CCSER1: variants seen among roughly 807,000 people sequenced by gnomAD.
CCSER1 encodes the protein serine-rich coiled-coil domain-containing protein 1.
CCSER1 carries 41 observed loss-of-function variants against 82.0 expected under a neutral mutation model. That is an observed-to-expected ratio of 0.50 (90% CI 0.39 to 0.65). CCSER1 has a LOEUF of 0.65. Among genes scored for constraint, CCSER1 ranks in the 30% least tolerant of loss-of-function variants. CCSER1 has a pLI of 0.00. For synonymous variants in CCSER1, 414 were observed against 383.9 expected, an observed-to-expected ratio of 1.08 and a Z score of -0.92; for missense variants, 1,119 against 1,064.2, an observed-to-expected ratio of 1.05 and a Z score of -0.72.
intron 7 of CCSER1, among the ~76,000 whole-genome samples, chr4:90,741,510 T>TATCAGCCAGATATATACATTCAGC (rs1746549758): frequency 6.6e-6 from 1 of 152,202 alleles, no homozygotes; most frequent in African/African-American, 2.4e-5. Flanking sequence ...GATATATACA[T>TATCAGCCAGATATATACATTCAGC]CAGATACTGA....
chr4:90,949,768 AT>A (rs35190415), intron 9 of CCSER1, among the ~76,000 whole-genome samples: 14,088 of 152,160 alleles, frequency 0.093, 801 homozygotes, highest in Admixed American at 0.15. Context: ...AGCCATAATG[AT>A]TCTAAGTAGC....
intron 6 of CCSER1, among the ~76,000 whole-genome samples, chr4:90,629,738 G>A (rs1221060946): frequency 2.0e-5 from 3 of 152,210 alleles, no homozygotes; most frequent in African/African-American, 7.2e-5. Flanking sequence ...AATGTGTTGT[G>A]CTGTAGCGGT....
rs1388529579 is a variant in CCSER1, at chr4:91,115,865, T to A, written c.2217+29871T>A. ...TTTATATATATATATATATATTTTT[T>A]TTTATTATACTTTAAGTTCTAGGGT... On this transcript the variant is annotated intron_variant, in intron 10 of 10. Transcript: ENST00000509176. Among the ~76,000 whole-genome samples the A allele has an allele frequency of 2.6e-3, 322 of 125,994 alleles. 3 individuals are homozygous for A. Among genetic ancestry groups the A allele is most frequent in the African/African-American group, 9.4e-3 (289 of 30,760 alleles). The allele number at this position is 125,994 out of a possible 152,430, so 82.7% of individuals were successfully genotyped here. A position where few individuals can be genotyped will look rare whatever the true frequency, so the allele number is the denominator to read the frequency against.
intron 7 of CCSER1, among the ~76,000 whole-genome samples, chr4:90,791,935 T>C (rs115418859): frequency 0.02 from 3,015 of 152,246 alleles, 48 homozygotes; most frequent in Non-Finnish European, 0.034. Flanking sequence ...AACCCAAAAA[T>C]TCATCAAAAT....
intron 10 of CCSER1, among the ~76,000 whole-genome samples, chr4:91,479,870 C>T (rs1171815744): frequency 7.0e-6 from 1 of 143,326 alleles, no homozygotes; most frequent in Admixed American, 7.1e-5. Flanking sequence ...TTAGGTATAT[C>T]TCCCAATGCT....
chr4:91,470,443 G>A (rs1757208560), intron 10 of CCSER1, among the ~76,000 whole-genome samples: 1 of 80,642 alleles, frequency 1.2e-5, no homozygotes, highest in Non-Finnish European at 2.7e-5. Flanking sequence ...AGACTGAAAT[G>A]GTAAAAAAAA....
intron 9 of CCSER1, among the ~76,000 whole-genome samples, chr4:91,032,915 T>TC (rs1741107833): frequency 6.6e-6 from 1 of 152,188 alleles, no homozygotes; most frequent in Non-Finnish European, 1.5e-5. Context: ...GAACTACTGA[T>TC]CTAGAGCAAG....
In CCSER1 at chr4:90,232,260, G is replaced by A. The variant is rs918562815; in HGVS notation, c.-41-75984G>A. 4.6e-5 allele frequency among the ~76,000 whole-genome samples: 7 copies of A among 151,342 alleles called. No individual in the cohort carries two copies. In the East Asian group the frequency reaches 6.0e-4, roughly 13 times the overall value. ...ACAGTAACCAAAACAGCATGGTACC[G>A]GTACCAAAACAGAGATGTAGATCAA... On this transcript the variant is annotated intron_variant, in intron 1 of 10. Transcript: ENST00000509176.
At chr4:90,478,747 T>TTTA (rs1375734041) in intron 5 of CCSER1, among the ~76,000 whole-genome samples, 1 of 150,910 alleles carries the variant, frequency 6.6e-6, no homozygotes, top group African/African-American at 2.4e-5. Context: ...TTTTTTTTTT[T>TTTA]TTATTTTTTT....
intron 10 of CCSER1, among the ~76,000 whole-genome samples, chr4:91,474,651 C>G (rs113640365): frequency 0.01 from 1,555 of 151,240 alleles, 13 homozygotes; most frequent in Middle Eastern, 0.021. Context: ...AATCTATGAA[C>G]CCACTCTCCA....
rs1302072179 is a variant in CCSER1, at chr4:91,011,426, T to C, written c.2173-74524T>C. 4.5e-5 allele frequency among the ~76,000 whole-genome samples: 6 copies of C among 134,026 alleles called. 1 individual carries two copies. The East Asian group carries it at 1.4e-3, about 32-fold the overall frequency. 87.9% of individuals were successfully genotyped at this position (134,026 alleles called of 152,430 possible). ...GTGCTGGGTTCCAGAATGCAGGTGC[T>C]CAGAACAGCTGTAGAGCCAAGGTCC... On this transcript the variant is annotated intron_variant, in intron 9 of 10. Transcript: ENST00000509176.
chr4:90,901,905 C>T (rs1459602854), intron 8 of CCSER1, among the ~76,000 whole-genome samples: 1 of 151,956 alleles, frequency 6.6e-6, no homozygotes, highest in Non-Finnish European at 1.5e-5. Flanking sequence ...TCTTTTTCTT[C>T]TTCCTCATGA....
chr4:90,541,095 T>C (rs1048883231), intron 5 of CCSER1, among the ~76,000 whole-genome samples: 1 of 152,014 alleles, frequency 6.6e-6, no homozygotes, highest in Non-Finnish European at 1.5e-5. Context: ...GATACTGGCT[T>C]TACTTCTTTC....
intron 5 of CCSER1, among the ~76,000 whole-genome samples, chr4:90,482,965 AGTGGG>A (rs965841545): frequency 6.6e-6 from 1 of 152,158 alleles, no homozygotes; most frequent in Non-Finnish European, 1.5e-5. Context: ...TGATGTTGAC[AGTGGG>A]GTGTTAAAGT....
chr4:90,700,962 T>A (rs2149275383), intron 6 of CCSER1, among the ~76,000 whole-genome samples: 1 of 152,310 alleles, frequency 6.6e-6, no homozygotes, highest in African/African-American at 2.4e-5. Context: ...TAGTTTCTTT[T>A]GCTGTGCAGA....
chr4:91,355,938 G>A (rs1450004596), intron 10 of CCSER1, among the ~76,000 whole-genome samples: 1 of 152,220 alleles, frequency 6.6e-6, no homozygotes, highest in East Asian at 1.9e-4. Context: ...AACTTCAATG[G>A]TTATGTGGGG....
chr4:90,527,498 T>C (rs923692171), intron 5 of CCSER1, among the ~76,000 whole-genome samples: 1 of 152,168 alleles, frequency 6.6e-6, no homozygotes, highest in African/African-American at 2.4e-5. Context: ...TCTGATATAA[T>C]AATTCTTATT....
At chr4:90,759,312 TA>T (rs1417415600) in intron 7 of CCSER1, among the ~76,000 whole-genome samples, 4 of 152,206 alleles carry the variant, frequency 2.6e-5, no homozygotes, top group African/African-American at 9.6e-5. Flanking sequence ...GATTTTTCAA[TA>T]AATCTCACCA....
At chr4:90,360,196 C>A (rs923622990) in intron 3 of CCSER1, among the ~76,000 whole-genome samples, 64 of 147,586 alleles carry the variant, frequency 4.3e-4, no homozygotes, top group Admixed American at 6.7e-4. Context: ...GGATTACAGG[C>A]GTGAGCCACC....
Sources: allele counts gnomAD v4.1 joint callset (sites outside exome capture counted in the v4.1 genomes callset), GRCh38; gene constraint gnomAD v4.1.1; transcripts MANE v1.5; gene names NCBI Gene and HGNC (gene_info 2026-07-23, HGNC 2026-07-21).